ARID2: variants seen among roughly 807,000 people sequenced by gnomAD.
The protein encoded by ARID2 is AT-rich interactive domain-containing protein 2.
Under a neutral mutation model 184.6 loss-of-function variants are expected in ARID2, and 32 were observed. The observed-to-expected ratio is 0.17, with a 90% CI of 0.13 to 0.23. ARID2 has a LOEUF of 0.23. ARID2 is among the 10% of genes least tolerant of loss of function. The pLI is 1.00. For synonymous variants in ARID2, 836 were observed against 772.6 expected (o/e 1.08, Z -1.36); for missense variants, 1,696 against 2,197.6 (o/e 0.77, Z 4.56).
intron 3 of ARID2, among the ~76,000 whole-genome samples, chr12:45,785,919 T>C (rs959172693): frequency 2.6e-5 from 4 of 152,166 alleles, no homozygotes; most frequent in African/African-American, 9.7e-5. Context: ...CTCTGGGCCA[T>C]GGACCAGTAG....
chr12:45,852,598 A>C lies in ARID2; in HGVS notation c.4475A>C (p.Lys1492Thr), dbSNP rs1943575510. Reference sequence around the variant, plus strand: ...ATAGCAGTTCCCGACTCAGGATCAAAAGTATCCCATTCTCCTGCCCTATCA... The same window carrying C: ...ATAGCAGTTCCCGACTCAGGATCAACAGTATCCCATTCTCCTGCCCTATCA... ...QIIAVPDSGS[K>T]VSHSPALSSD... is the part of the protein sequence containing the mutation. Residue 1492 changes from lysine (K) to threonine (T), a missense_variant, in exon 15 of 21, where the codon AAA (lysine) becomes ACA (threonine). Around this residue, in one of 11 missense-constraint regions of ARID2, gnomAD observed 428 missense variants for 409.1 expected, o/e 1.05. Transcript: ENST00000334344. The C allele has an allele frequency of 6.2e-7, 1 of 1,614,084 alleles. No individual in the cohort carries two copies. Among genetic ancestry groups the C allele is most frequent in the Non-Finnish European group, 8.5e-7 (1 of 1,180,020 alleles).
In ARID2 at chr12:45,756,846, C is replaced by G. The variant is rs530702673; in HGVS notation, c.284+25532C>G. 2.0e-5 allele frequency among the ~76,000 whole-genome samples: 3 copies of G among 152,258 alleles called. No homozygotes were observed. The South Asian group carries it at 6.2e-4, about 32-fold the overall frequency. On this transcript the variant is annotated intron_variant, in intron 3 of 20. Transcript: ENST00000334344. Reference sequence around the variant, plus strand: ...CCTGGGAGGTTGAGGCTGCAGTAAGCTGGCATAGTGCCACTGCACTCCAGC... The same window carrying G: ...CCTGGGAGGTTGAGGCTGCAGTAAGGTGGCATAGTGCCACTGCACTCCAGC...
chr12:45,841,003 T>C (rs920461405), intron 11 of ARID2: 1 of 152,182 alleles, frequency 6.6e-6, no homozygotes, highest in Non-Finnish European at 1.5e-5. Context: ...CCGATTTATA[T>C]TGGGGAATCT....
In ARID2 at chr12:45,837,727, C is replaced by T. The variant is rs995293845; in HGVS notation, c.1330+20C>T. The T allele has an allele frequency of 6.2e-7, 1 of 1,601,312 alleles. No individual in the cohort carries two copies. The highest frequency in any genetic ancestry group is 8.6e-7 in the Non-Finnish European group (1 of 1,169,460). On this transcript the variant is annotated intron_variant, in intron 10 of 20. Transcript: ENST00000334344. ...GCATAGGTAAGACTGGACCAAAAAA[C>T]ACTTATTTTCTTTATTGAGTAAAAG...
At chr12:45,885,979 C>T (rs745884186) in intron 16 of ARID2, among the ~76,000 whole-genome samples, 9 of 152,084 alleles carry the variant, frequency 5.9e-5, no homozygotes, top group Non-Finnish European at 1.3e-4. Context: ...ATCTCATGTC[C>T]TCACATTTCA....
chr12:45,905,130 T>A lies in ARID2; in HGVS notation c.*52T>A. On this transcript the variant is annotated 3_prime_UTR_variant, in exon 21 of 21. Transcript: ENST00000334344. ...GACTCAAAGTCAGCCACATTTCACA[T>A]ACTGTTACTGAAGAAAGCACCAAGT... 3.8e-6 allele frequency: 6 copies of A among 1,567,592 alleles called. No individual in the cohort carries two copies. Among genetic ancestry groups the A allele is most frequent in the Non-Finnish European group, 5.2e-6 (6 of 1,152,584 alleles).
In ARID2 at chr12:45,817,876, G is replaced by T. The variant is rs1245306760; in HGVS notation, c.625G>T (p.Val209Leu). 2 of 1,611,072 alleles carry T rather than the reference G, an allele frequency of 1.2e-6. No homozygotes were observed. Among genetic ancestry groups the T allele is most frequent in the Non-Finnish European group, 8.5e-7 (1 of 1,178,916 alleles). ...CACTTTACTACTTGCTAATGCCGGG[G>T]TGTTTGACGACAGTAAGTTTTAAGC... ...IITLLLANAG[V>L]FDDTLGSFST... is the part of the protein sequence containing the mutation. Residue 209 changes from valine (V) to leucine (L), a missense_variant, in exon 5 of 21, where the codon GTG (valine) becomes TTG (leucine). Val to Leu is a conservative substitution (Grantham distance 32). This residue lies in a region of ARID2 where 148 missense variants were observed against 285.4 expected (regional missense o/e 0.52). Coordinates refer to ENST00000334344, the MANE Select transcript of ARID2 (RefSeq NM_152641.4).
Position 45,891,936 on chromosome 12 carries a change from T to G in ARID2, c.5061+18T>G. 1 of 1,613,982 alleles carries G rather than the reference T, an allele frequency of 6.2e-7. No homozygotes were observed. Among genetic ancestry groups the G allele is most frequent in the Non-Finnish European group, 8.5e-7 (1 of 1,179,980 alleles). ...ACTTGCAGGTACACTTTTTAAATAC[T>G]ATTTGATCAGTAACTCATTTGACTG... On this transcript the variant is annotated intron_variant, in intron 17 of 20. Coordinates refer to ENST00000334344, the MANE Select transcript of ARID2 (RefSeq NM_152641.4).
intron 11 of ARID2, among the ~76,000 whole-genome samples, chr12:45,842,755 CAA>C (rs1242038485): frequency 2.3e-5 from 3 of 131,998 alleles, no homozygotes. Flanking sequence ...GACTCCATCT[CAA>C]AAAAAAAAAA....
At chr12:45,876,311 G>A (rs774798182) in intron 16 of ARID2, among the ~76,000 whole-genome samples, 12 of 152,190 alleles carry the variant, frequency 7.9e-5, no homozygotes, top group Non-Finnish European at 1.6e-4. Context: ...AGCACTTTGG[G>A]AGGCCGAGGC....
intron 3 of ARID2, among the ~76,000 whole-genome samples, chr12:45,804,329 A>G (rs145497102): frequency 1.3e-4 from 20 of 152,218 alleles, no homozygotes; most frequent in Middle Eastern, 6.8e-3. Flanking sequence ...TCCTTTGTTT[A>G]CATAATGTCA....
At chr12:45,867,401 G>A (rs1270650358) in intron 16 of ARID2, among the ~76,000 whole-genome samples, 1 of 151,824 alleles carries the variant, frequency 6.6e-6, no homozygotes, top group African/African-American at 2.4e-5. Context: ...CTACAGATGT[G>A]ACCACCACAC....
At chr12:45,772,938 T>A (rs1490386961) in intron 3 of ARID2, among the ~76,000 whole-genome samples, 1 of 152,058 alleles carries the variant, frequency 6.6e-6, no homozygotes, top group African/African-American at 2.4e-5. Flanking sequence ...CAGAACACTA[T>A]CCAACAGTAG....
At chr12:45,846,525 G>A (rs1943443823) in intron 11 of ARID2, among the ~76,000 whole-genome samples, 1 of 152,070 alleles carries the variant, frequency 6.6e-6, no homozygotes, top group African/African-American at 2.4e-5. Context: ...GAAGAATTAA[G>A]TAAGCAGATA....
chr12:45,827,811 T>C (rs560913934), intron 6 of ARID2, among the ~76,000 whole-genome samples: 2 of 152,242 alleles, frequency 1.3e-5, no homozygotes, highest in East Asian at 3.9e-4. Flanking sequence ...ATAGAAAGTA[T>C]GCTTATGTGC....
rs1362533296 is a variant in ARID2 at position 45,905,940 on chromosome 12, C to CTTTTTTTTTTTTCTTTTTTT, written c.*873_*874insTCTTTTTTTTTTTTTTTTTT. On this transcript the variant is annotated 3_prime_UTR_variant, in exon 21 of 21. Coordinates refer to ENST00000334344, the MANE Select transcript of ARID2 (RefSeq NM_152641.4). ...GAACTGTGATTTTTTTTTCTTTTTT[C>CTTTTTTTTTTTTCTTTTTTT]TTTTTTTTTTTCTTTTTTTTTTTGT... is the stretch of plus-strand genomic sequence containing the variant. 1.2e-5 allele frequency: 2 copies of CTTTTTTTTTTTTCTTTTTTT among 166,978 alleles called. No individual in the cohort carries two copies. Among genetic ancestry groups the CTTTTTTTTTTTTCTTTTTTT allele is most frequent in the African/African-American group, 5.6e-5 (2 of 35,880 alleles). 10.3% of individuals were successfully genotyped at this position (166,978 alleles called of 1,614,324 possible).
chr12:45,904,503 C>T (rs936608728), intron 20 of ARID2: 10 of 484,528 alleles, frequency 2.1e-5, no homozygotes, highest in South Asian at 7.9e-5. Flanking sequence ...CCGTCCTGGC[C>T]AACATGGTGA....
chr12:45,802,584 A>C (rs1565601863), intron 3 of ARID2, among the ~76,000 whole-genome samples: 1 of 152,146 alleles, frequency 6.6e-6, no homozygotes, highest in Non-Finnish European at 1.5e-5. Context: ...GCTAGGTAAG[A>C]TATTGCTCAT....
At position 45,868,369 on chromosome 12, in the gene ARID2, A is replaced by T. The variant is rs145183591; in HGVS notation, c.4922+7420A>T. On this transcript the variant is annotated intron_variant, in intron 16 of 20. Transcript: ENST00000334344. ...GGCACGAGAATCGCTTGAACCCAGG[A>T]GGCAGAGGTTGCAGCAAGCCGAGAT... is the stretch of plus-strand genomic sequence containing the variant. Among the ~76,000 whole-genome samples the T allele has an allele frequency of 1.4e-3, 216 of 152,304 alleles. 1 individual carries two copies. In the East Asian group the frequency reaches 0.015, roughly 11 times the overall value.
Sources: allele counts gnomAD v4.1 joint callset (sites outside exome capture counted in the v4.1 genomes callset), GRCh38; gene constraint gnomAD v4.1.1; regional missense constraint gnomAD v4.1.1; transcripts MANE v1.5; gene names NCBI Gene and HGNC (gene_info 2026-07-23, HGNC 2026-07-21).